The following DBX2 variants were observed in gnomAD, a reference collection of about 807,000 sequenced individuals.
DBX2 encodes the protein homeobox protein DBX2.
In DBX2, 16 loss-of-function variants were observed where a neutral mutation model predicts 17.7. The ratio of observed to expected loss-of-function variants is 0.90; its 90% CI spans 0.61 to 1.37. The LOEUF (loss-of-function observed/expected upper bound fraction) is 1.37, where lower values mean the gene tolerates loss of function less well. Ranked by LOEUF, DBX2 falls within the 40% of genes most tolerant of loss-of-function variation. The pLI, the probability that DBX2 is intolerant of heterozygous loss-of-function variation, is 0.00. For synonymous variants in DBX2, 255 were observed against 183.8 expected, an observed-to-expected ratio of 1.39 and a Z score of -3.13; for missense variants, 538 against 433.8, an observed-to-expected ratio of 1.24 and a Z score of -2.13.
chr12:45,048,799 C>T (rs1346303632), intron 1 of DBX2, among the ~76,000 whole-genome samples: 5 of 152,056 alleles, frequency 3.3e-5, no homozygotes, highest in Non-Finnish European at 7.4e-5. Context: ...TAATCTAGAA[C>T]ATCATATCTT....
chr12:45,030,218 G>A (rs1946402385), intron 2 of DBX2, among the ~76,000 whole-genome samples: 1 of 148,730 alleles, frequency 6.7e-6, no homozygotes, highest in African/African-American at 2.4e-5. Flanking sequence ...GGGCAATGGT[G>A]TTTGTAGCAG....
intron 1 of DBX2, among the ~76,000 whole-genome samples, chr12:45,037,266 A>T (rs1013984709): frequency 6.6e-6 from 1 of 152,198 alleles, no homozygotes; most frequent in African/African-American, 2.4e-5. Flanking sequence ...TTCATAGAAT[A>T]GGTTTAATAC....
At chr12:45,049,547 A>G (rs1272472583) in intron 1 of DBX2, among the ~76,000 whole-genome samples, 2 of 152,136 alleles carry the variant, frequency 1.3e-5, no homozygotes, top group Non-Finnish European at 2.9e-5. Context: ...TTAGCAATAA[A>G]TTTGATCCGG....
chr12:45,018,963 A>C (rs1946337292), intron 3 of DBX2, among the ~76,000 whole-genome samples: 2 of 151,890 alleles, frequency 1.3e-5, no homozygotes, highest in Admixed American at 1.3e-4. Context: ...CATAAAGTAG[A>C]ATAGTGGGTG....
intron 1 of DBX2, among the ~76,000 whole-genome samples, chr12:45,050,283 A>G (rs1946522606): frequency 6.6e-6 from 1 of 152,220 alleles, no homozygotes; most frequent in South Asian, 2.1e-4. Flanking sequence ...GAAAGAAGGG[A>G]ACAGCAAAGA....
Position 45,050,712 on chromosome 12 carries a change from C to G in DBX2, c.216G>C (p.Gln72His). Residue 72 changes from glutamine to histidine, a missense_variant, in exon 1 of 4, where the codon CAG becomes CAC. Physicochemically the swap from Gln to His is conservative, Grantham distance 24 (BLOSUM62 0). Coordinates refer to ENST00000332700, the MANE Select transcript of DBX2 (RefSeq NM_001004329.3). ...PATALATAGA[Q>H]LRPLPASPVP... Reference sequence around the variant, plus strand: ...CTGGGCTAGCAGGCAGGGGCCGGAGCTGCGCGCCCGCGGTGGCCAGGGCGG... The same window carrying G: ...CTGGGCTAGCAGGCAGGGGCCGGAGGTGCGCGCCCGCGGTGGCCAGGGCGG... The G allele has an allele frequency of 6.7e-7, 1 of 1,498,272 alleles. No homozygotes were observed. Among genetic ancestry groups the G allele is most frequent in the Non-Finnish European group, 8.9e-7 (1 of 1,126,374 alleles). 92.8% of individuals were successfully genotyped at this position (1,498,272 alleles called of 1,614,324 possible).
chr12:45,050,578 A>G lies in DBX2; in HGVS notation c.350T>C (p.Leu117Pro). ...TCGGTCCCCCGGAGCCCGGCCCGGC[A>G]GCCTCGCACTGTCCGCAGAGGGACT... ...VLSPSADSAR[L>P]PGRAPGDRDC... The change falls in exon 1 of 4, where the codon CTG becomes CCG. Residue 117 changes from leucine to proline, a missense_variant. Coordinates refer to ENST00000332700, the MANE Select transcript of DBX2 (RefSeq NM_001004329.3). 6.4e-7 allele frequency: 1 copy of G among 1,552,160 alleles called. No homozygotes were observed. Among genetic ancestry groups the G allele is most frequent in the Non-Finnish European group, 8.7e-7 (1 of 1,148,534 alleles).
intron 2 of DBX2, among the ~76,000 whole-genome samples, chr12:45,025,063 T>C (rs1946374267): frequency 6.6e-6 from 1 of 152,246 alleles, no homozygotes; most frequent in Non-Finnish European, 1.5e-5. Flanking sequence ...GAGATGTCCA[T>C]GTCCTAATCC....
At chr12:45,045,818 C>T (rs117748787) in intron 1 of DBX2, among the ~76,000 whole-genome samples, 2,019 of 152,188 alleles carry the variant, frequency 0.013, 28 homozygotes, top group African/African-American at 0.025. Flanking sequence ...CCAAAACATA[C>T]GGCATCCTTT....
At chr12:45,038,730 T>C (rs1946453533) in intron 1 of DBX2, among the ~76,000 whole-genome samples, 1 of 151,306 alleles carries the variant, frequency 6.6e-6, no homozygotes, top group Non-Finnish European at 1.5e-5. Flanking sequence ...AAATGGATGG[T>C]TTACTTAAAA....
At chr12:45,039,322 T>C (rs540661325) in intron 1 of DBX2, among the ~76,000 whole-genome samples, 1,798 of 115,250 alleles carry the variant, frequency 0.016, 65 homozygotes, top group African/African-American at 0.052. Context: ...TATATATATA[T>C]GTATCACACT....
At chr12:45,044,328 C>T (rs1216137418) in intron 1 of DBX2, among the ~76,000 whole-genome samples, 13 of 152,158 alleles carry the variant, frequency 8.5e-5, no homozygotes, top group South Asian at 6.2e-4. Context: ...CCAGCAGTCA[C>T]GGTTTTTATT....
intron 1 of DBX2, among the ~76,000 whole-genome samples, chr12:45,036,949 A>T (rs1946444307): frequency 6.6e-6 from 1 of 152,198 alleles, no homozygotes; most frequent in Non-Finnish European, 1.5e-5. Context: ...TAAAGTTTTC[A>T]GGAGAAATGC....
chr12:45,017,326 G>T (rs1259441446), intron 3 of DBX2, among the ~76,000 whole-genome samples: 1 of 152,106 alleles, frequency 6.6e-6, no homozygotes, highest in Non-Finnish European at 1.5e-5. Context: ...TTTATAATTT[G>T]ATCGTCACAA....
chr12:45,045,313 C>G (rs1477194281), intron 1 of DBX2, among the ~76,000 whole-genome samples: 5 of 152,202 alleles, frequency 3.3e-5, no homozygotes, highest in Non-Finnish European at 7.4e-5. Flanking sequence ...GTATTAAGGG[C>G]TGCAAAGCAA....
intron 2 of DBX2, among the ~76,000 whole-genome samples, chr12:45,033,047 T>C (rs961049731): frequency 6.6e-6 from 1 of 152,222 alleles, no homozygotes; most frequent in Non-Finnish European, 1.5e-5. Context: ...TTCCCCACTG[T>C]AAGCGTTGTG....
At chr12:45,033,856 G>A (rs535502125) in intron 2 of DBX2, among the ~76,000 whole-genome samples, 1 of 151,906 alleles carries the variant, frequency 6.6e-6, no homozygotes, top group African/African-American at 2.4e-5. Flanking sequence ...AAACCTCCAG[G>A]GATAAACACT....
chr12:45,034,143 C>T (rs141931348), intron 2 of DBX2, among the ~76,000 whole-genome samples: 148 of 151,748 alleles, frequency 9.8e-4, no homozygotes, highest in Non-Finnish European at 1.8e-3. Context: ...CACACACACA[C>T]GCACATGAAT....
At chr12:45,023,979 C>T in intron 2 of DBX2, 85 bp from the exon 3 acceptor site, 1 of 1,326,568 alleles carries the variant, frequency 7.5e-7, no homozygotes. Flanking sequence ...TATCCTCCTA[C>T]TTTGTACTAT....
Sources: gnomAD v4.1 joint callset for allele counts (sites outside exome capture counted in the v4.1 genomes callset) on GRCh38, gnomAD v4.1.1 for gene constraint, MANE v1.5 for transcripts, NCBI Gene and HGNC (gene_info 2026-07-23, HGNC 2026-07-21) for gene names.